Variants in PTGER1 observed in about 807,000 individuals in gnomAD.
PTGER1 encodes prostaglandin E2 receptor EP1 subtype.
PTGER1 carries 15 observed loss-of-function variants against 18.5 expected under a neutral mutation model. That is an observed-to-expected ratio of 0.81 (90% CI 0.54 to 1.25). PTGER1 has a LOEUF of 1.25. PTGER1 is among the 50% of genes most tolerant of loss of function. The pLI, the probability that PTGER1 is intolerant of heterozygous loss-of-function variation, is 0.00. For synonymous variants in PTGER1, 339 were observed against 308.4 expected (o/e 1.10, Z -1.04); for missense variants, 567 against 603.4 (o/e 0.94, Z 0.63).
At position 14,474,091 on chromosome 19, in the gene PTGER1, A is replaced by G; in HGVS notation, c.230T>C (p.Val77Ala). The G allele has an allele frequency of 3.5e-6, 5 of 1,440,028 alleles. No homozygotes were observed. The highest frequency in any genetic ancestry group is 2.7e-6 in the Non-Finnish European group (3 of 1,098,486). The allele number at this position is 1,440,028 out of a possible 1,614,324, so 89.2% of individuals were successfully genotyped here. Residue 77 changes from valine (V) to alanine (A), a missense_variant, in exon 2 of 3, where the codon GTG becomes GCG. By Grantham distance (64) the Val-to-Ala change is moderately conservative (BLOSUM62 0). Transcript: ENST00000292513. This position sits in a 1 kb window ranked among gnomAD's most constrained non-coding sequence, Gnocchi z 5.4. ...CAGGTCGGTGGCCAGCAGGCTGGCCACGAACAGCAGGAAGGTGGCGGCCGA... is the reference window on the plus strand; with the variant it reads ...CAGGTCGGTGGCCAGCAGGCTGGCCGCGAACAGCAGGAAGGTGGCGGCCGA... ...RRSAATFLLF[V>A]ASLLATDLAG...
At position 14,472,662 on chromosome 19, in the gene PTGER1, C is replaced by T. The variant is rs2146448729; in HGVS notation, c.1107G>A (p.Arg369=). ...CCGCGGGGCCGCCCTTGGCTCCGGC[C>T]CTCGGGGGCAAGAGGCGAAGCAGTT... ...LRQLLRLLPP[R]AGAKGGPAGL... The change falls in exon 3 of 3, where the codon AGG becomes AGA. Residue 369 remains arginine (R), a synonymous_variant. Coordinates refer to ENST00000292513, the MANE Select transcript of PTGER1 (RefSeq NM_000955.3). 1 of 1,610,134 alleles carries T rather than the reference C, an allele frequency of 6.2e-7. No individual in the cohort carries two copies. Among genetic ancestry groups the T allele is most frequent in the Non-Finnish European group, 8.5e-7 (1 of 1,178,662 alleles).
rs891459499 is a variant in PTGER1, at chr19:14,472,584, C to A, written c.1185G>T (p.Arg395=). 1.6e-5 allele frequency: 26 copies of A among 1,592,032 alleles called. No homozygotes were observed. The highest frequency in any genetic ancestry group is 2.0e-5 in the Non-Finnish European group (24 of 1,172,134). ...CTTAGAAGTGGCTGAGGCCGCTGTGCCGGGAGCTGCGCAGCGAGCTGGCCT... is the reference window on the plus strand; with the variant it reads ...CTTAGAAGTGGCTGAGGCCGCTGTGACGGGAGCTGCGCAGCGAGCTGGCCT... ...AWEASSLRSS[R]HSGLSHF Residue 395 remains arginine, a synonymous_variant, in exon 3 of 3, where the codon CGG becomes CGT. Coordinates refer to ENST00000292513, the MANE Select transcript of PTGER1 (RefSeq NM_000955.3).
In PTGER1 at chr19:14,474,335, G is replaced by A. The variant is rs1271809275; in HGVS notation, c.-15C>T. 1.3e-6 allele frequency: 2 copies of A among 1,512,616 alleles called. No homozygotes were observed. Among genetic ancestry groups the A allele is most frequent in the South Asian group, 1.2e-5 (1 of 82,454 alleles). 93.7% of individuals were successfully genotyped at this position (1,512,616 alleles called of 1,614,324 possible). ...CAAGGGCTCATGTCAGGCGCCAGGG[G>A]TGCTGGATAGAGGAGAGGAGGGCAG... On this transcript the variant is annotated splice_region_variant and 5_prime_UTR_variant, in exon 2 of 3. Coordinates refer to ENST00000292513, the MANE Select transcript of PTGER1 (RefSeq NM_000955.3). This position sits in a 1 kb window ranked among gnomAD's most constrained non-coding sequence, Gnocchi z 5.4.
rs778810866 is a variant in PTGER1 at position 14,472,713 on chromosome 19, G to C, written c.1056C>G (p.Ile352Met). 1 of 1,611,634 alleles carries C rather than the reference G, an allele frequency of 6.2e-7. No individual in the cohort carries two copies. The highest frequency in any genetic ancestry group is 8.5e-7 in the Non-Finnish European group (1 of 1,178,952). ...WNQILDPWVY[I>M]LLRQAVLRQL... ...GGCGCAGCACGGCCTGGCGCAGTAG[G>C]ATGTACACCCAAGGGTCCAGGATCT... Residue 352 changes from isoleucine (I) to methionine (M), a missense_variant, in exon 3 of 3, where the codon ATC becomes ATG. Ile to Met is a conservative substitution (Grantham distance 10). Transcript: ENST00000292513.
chr19:14,472,670 G>A lies in PTGER1; in HGVS notation c.1099C>T (p.Pro367Ser), dbSNP rs557664453. 6.2e-7 allele frequency: 1 copy of A among 1,610,958 alleles called. No individual in the cohort carries two copies. Among genetic ancestry groups the A allele is most frequent in the Non-Finnish European group, 8.5e-7 (1 of 1,178,916 alleles). ...AVLRQLLRLLPPRAGAKGGPA... is the reference protein window; with the variant it reads ...AVLRQLLRLLSPRAGAKGGPA... Reference sequence around the variant, plus strand: ...CCGCCCTTGGCTCCGGCCCTCGGGGGCAAGAGGCGAAGCAGTTGGCGCAGC... The same window carrying A: ...CCGCCCTTGGCTCCGGCCCTCGGGGACAAGAGGCGAAGCAGTTGGCGCAGC... The change falls in exon 3 of 3, where the codon CCC becomes TCC. Residue 367 changes from proline (P) to serine (S), a missense_variant. By Grantham distance (74) the Pro-to-Ser change is moderately conservative (BLOSUM62 -1). Transcript: ENST00000292513.
At position 14,474,023 on chromosome 19, in the gene PTGER1, T is replaced by A; in HGVS notation, c.298A>T (p.Thr100Ser). ...CCGCCGGCCGGAGCGCGCCCCGCAG[T>A]GTACAGACGCAGCACCAGCGCGCCC... ...IPGALVLRLY[T>S]AGRAPAGGAC... The change falls in exon 2 of 3, where the codon ACT becomes TCT. Residue 100 changes from threonine to serine, a missense_variant. Transcript: ENST00000292513. This position sits in a 1 kb window ranked among gnomAD's most constrained non-coding sequence, Gnocchi z 5.4. 6.7e-7 allele frequency: 1 copy of A among 1,500,082 alleles called. No homozygotes were observed. The highest frequency in any genetic ancestry group is 8.9e-7 in the Non-Finnish European group (1 of 1,129,586). The allele number at this position is 1,500,082 out of a possible 1,614,324, so 92.9% of individuals were successfully genotyped here.
Position 14,473,691 on chromosome 19 carries a change from G to T in PTGER1, c.630C>A (p.Leu210=). 2.0e-6 allele frequency: 3 copies of T among 1,476,214 alleles called. No individual in the cohort carries two copies. The highest frequency in any genetic ancestry group is 2.7e-6 in the Non-Finnish European group (3 of 1,120,164). The allele number at this position is 1,476,214 out of a possible 1,614,324, so 91.4% of individuals were successfully genotyped here. ...GCGCGGCGAGGAGCGCGACCAGGCC[G>T]AGGCTGGCGAAGAGGCCAGCAAGCA... ...QALLAGLFAS[L]GLVALLAALV... is the part of the protein sequence containing the mutation. The change falls in exon 2 of 3, where the codon CTC becomes CTA. Residue 210 remains leucine, a synonymous_variant. Transcript: ENST00000292513. The surrounding 1 kb of genome is among the most constrained non-coding windows in gnomAD (Gnocchi z 7.1).
In PTGER1 at chr19:14,474,335, G is replaced by C. The variant is rs1271809275; in HGVS notation, c.-15C>G. On this transcript the variant is annotated splice_region_variant and 5_prime_UTR_variant, in exon 2 of 3. Coordinates refer to ENST00000292513, the MANE Select transcript of PTGER1 (RefSeq NM_000955.3). The surrounding 1 kb of genome is among the most constrained non-coding windows in gnomAD (Gnocchi z 5.4). ...CAAGGGCTCATGTCAGGCGCCAGGG[G>C]TGCTGGATAGAGGAGAGGAGGGCAG... 1.3e-6 allele frequency: 2 copies of C among 1,512,616 alleles called. No homozygotes were observed. Among genetic ancestry groups the C allele is most frequent in the Non-Finnish European group, 1.8e-6 (2 of 1,137,878 alleles). The allele number at this position is 1,512,616 out of a possible 1,614,324, so 93.7% of individuals were successfully genotyped here. A position where few individuals can be genotyped will look rare whatever the true frequency, so the allele number is the denominator to read the frequency against.
rs943702607 is a variant in PTGER1 at position 14,473,887 on chromosome 19, T to A, written c.434A>T (p.His145Leu). Residue 145 changes from histidine (H) to leucine (L), a missense_variant, in exon 2 of 3, where the codon CAC becomes CTC. His to Leu is a moderately conservative substitution (Grantham distance 99). Transcript: ENST00000292513. This position sits in a 1 kb window ranked among gnomAD's most constrained non-coding sequence, Gnocchi z 7.1. ...GCGGGCGACCGAGACCCGCGCGGCG[T>A]GGAGCAGCGGCCGCGTGACGCCCAC... ...RCVGVTRPLL[H>L]AARVSVARAR... The A allele has an allele frequency of 7.6e-7, 1 of 1,314,648 alleles. No homozygotes were observed. The highest frequency in any genetic ancestry group is 1.6e-5 in the African/African-American group (1 of 63,310). 81.4% of individuals were successfully genotyped at this position (1,314,648 alleles called of 1,614,324 possible).
rs763799272 is a variant in PTGER1 at position 14,473,566 on chromosome 19, C to T, written c.755G>A (p.Arg252His). The change falls in exon 2 of 3, where the codon CGC (arginine) becomes CAC (histidine). Residue 252 changes from arginine (R) to histidine (H), a missense_variant. Transcript: ENST00000292513. This position sits in a 1 kb window ranked among gnomAD's most constrained non-coding sequence, Gnocchi z 7.1. The part of the protein sequence containing the change: ...PPASGPDSRR[R>H]WGAHGPRSAS... ...CGAGCGGGGTCCGTGCGCCCCCCAG[C>T]GACGCCGGCTGTCGGGGCCTGAGGC... 1 of 1,509,810 alleles carries T rather than the reference C, an allele frequency of 6.6e-7. No homozygotes were observed. Among genetic ancestry groups the T allele is most frequent in the Non-Finnish European group, 8.8e-7 (1 of 1,135,890 alleles). The allele number at this position is 1,509,810 out of a possible 1,614,324, so 93.5% of individuals were successfully genotyped here. A position where few individuals can be genotyped will look rare whatever the true frequency, so the allele number is the denominator to read the frequency against.
chr19:14,473,572 CGGCTGTCGGGGCCTGAGGCCGGGGGA>C lies in PTGER1; in HGVS notation c.723_748del (p.Pro242AlafsTer?). On this transcript the variant is annotated frameshift_variant, in exon 2 of 3. Coordinates refer to ENST00000292513, the MANE Select transcript of PTGER1 (RefSeq NM_000955.3). LOFTEE classifies it high-confidence loss of function. The surrounding 1 kb of genome is among the most constrained non-coding windows in gnomAD (Gnocchi z 7.1). ...GGGTCCGTGCGCCCCCCAGCGACGC[CGGCTGTCGGGGCCTGAGGCCGGGGGA>C]GGCCGTCGGGAGCGGCGTCGCCAGC... The C allele has an allele frequency of 6.6e-7, 1 of 1,504,040 alleles. No individual in the cohort carries two copies. Among genetic ancestry groups the C allele is most frequent in the Non-Finnish European group, 8.8e-7 (1 of 1,133,620 alleles). The allele number at this position is 1,504,040 out of a possible 1,614,324, so 93.2% of individuals were successfully genotyped here.
At position 14,472,685 on chromosome 19, in the gene PTGER1, G is replaced by A. The variant is rs764482180; in HGVS notation, c.1084C>T (p.Leu362=). The A allele has an allele frequency of 6.2e-7, 1 of 1,612,074 alleles. No individual in the cohort carries two copies. Among genetic ancestry groups the A allele is most frequent in the South Asian group, 1.1e-5 (1 of 90,924 alleles). ...GCCCTCGGGGGCAAGAGGCGAAGCA[G>A]TTGGCGCAGCACGGCCTGGCGCAGT... is the stretch of plus-strand genomic sequence containing the variant. ...ILLRQAVLRQ[L]LRLLPPRAGA... The change falls in exon 3 of 3, where the codon CTG becomes TTG. Residue 362 remains leucine (L), a synonymous_variant. Transcript: ENST00000292513.
At position 14,473,790 on chromosome 19, in the gene PTGER1, G is replaced by A; in HGVS notation, c.531C>T (p.Gly177=). ...AVALLPLARV[G]RYELQYPGTW... is the part of the protein sequence containing the mutation. ...TGCCCGGGTACTGCAGCTCATAGCG[G>A]CCCACGCGCGCCAGCGGCAGCAGCG... is the stretch of plus-strand genomic sequence containing the variant. Residue 177 remains glycine, a synonymous_variant, in exon 2 of 3, where the codon GGC becomes GGT. Coordinates refer to ENST00000292513, the MANE Select transcript of PTGER1 (RefSeq NM_000955.3). The surrounding 1 kb of genome is among the most constrained non-coding windows in gnomAD (Gnocchi z 7.1). 7.0e-7 allele frequency: 1 copy of A among 1,419,342 alleles called. No homozygotes were observed. The highest frequency in any genetic ancestry group is 9.2e-7 in the Non-Finnish European group (1 of 1,087,192). 87.9% of individuals were successfully genotyped at this position (1,419,342 alleles called of 1,614,324 possible).
Position 14,474,135 on chromosome 19 carries a change from G to T in PTGER1, c.186C>A (p.Gly62=). 2 of 1,435,540 alleles carry T rather than the reference G, an allele frequency of 1.4e-6. No individual in the cohort carries two copies. The highest frequency in any genetic ancestry group is 1.8e-6 in the Non-Finnish European group (2 of 1,105,910). 88.9% of individuals were successfully genotyped at this position (1,435,540 alleles called of 1,614,324 possible). A position where few individuals can be genotyped will look rare whatever the true frequency, so the allele number is the denominator to read the frequency against. ...LALALLAQAA[G]RLRRRRSAAT... ...CGGCCGAGCGGCGGCGTCGCAGGCG[G>T]CCCGCGGCCTGCGCCAGCAGCGCCA... Residue 62 remains glycine (G), a synonymous_variant, in exon 2 of 3, where the codon GGC becomes GGA. Coordinates refer to ENST00000292513, the MANE Select transcript of PTGER1 (RefSeq NM_000955.3). The surrounding 1 kb of genome is among the most constrained non-coding windows in gnomAD (Gnocchi z 5.4).
chr19:14,473,485 G>C lies in PTGER1; in HGVS notation c.836C>G (p.Ser279Cys). The C allele has an allele frequency of 6.3e-7, 1 of 1,587,422 alleles. No individual in the cohort carries two copies. Among genetic ancestry groups the C allele is most frequent in the Non-Finnish European group, 8.5e-7 (1 of 1,170,508 alleles). ...TCTGCGTGCCGAGCCGCTGCTCCGA[G>C]AGCCGCCAAAGAAGGTGGAGGCCGA... ...IASASTFFGG[S>C]RSSGSARRAR... The change falls in exon 2 of 3, where the codon TCT (serine) becomes TGT (cysteine). Residue 279 changes from serine (S) to cysteine (C), a missense_variant. Coordinates refer to ENST00000292513, the MANE Select transcript of PTGER1 (RefSeq NM_000955.3). The surrounding 1 kb of genome is among the most constrained non-coding windows in gnomAD (Gnocchi z 7.1).
chr19:14,473,979 GC>G lies in PTGER1; in HGVS notation c.341del (p.Gly114AlafsTer268). 6.7e-7 allele frequency: 1 copy of G among 1,497,970 alleles called. No homozygotes were observed. The highest frequency in any genetic ancestry group is 8.9e-7 in the Non-Finnish European group (1 of 1,128,230). 92.8% of individuals were successfully genotyped at this position (1,497,970 alleles called of 1,614,324 possible). A position where few individuals can be genotyped will look rare whatever the true frequency, so the allele number is the denominator to read the frequency against. On this transcript the variant is annotated frameshift_variant, in exon 2 of 3. Transcript: ENST00000292513. LOFTEE classifies it high-confidence loss of function. This position sits in a 1 kb window ranked among gnomAD's most constrained non-coding sequence, Gnocchi z 7.1. ...APAGGACHFLGGCMVFFGLCP... is the reference protein window; with the variant it reads ...APAGGACHFLXGCMVFFGLCP... ...ACAGGCCGAAGAAGACCATGCAGCC[GC>G]CCAGGAAGTGGCAGGCCCCGCCGGC...
intron 2 of PTGER1, 36 bp from the exon 3 acceptor site, chr19:14,472,862 G>A (rs1249816642): frequency 3.3e-6 from 5 of 1,520,848 alleles, no homozygotes; most frequent in African/African-American, 1.4e-5. Context: ...TAGAGCAGGC[G>A]CGGGCGCAGG....
At chr19:14,472,865 G>A (rs1427249677) in intron 2 of PTGER1, 39 bp from the exon 3 acceptor site, 1 of 1,506,032 alleles carries the variant, frequency 6.6e-7, no homozygotes, top group Non-Finnish European at 8.9e-7. Context: ...AGCAGGCGCG[G>A]GCGCAGGGGG....
At position 14,473,661 on chromosome 19, in the gene PTGER1, CA is replaced by C; in HGVS notation, c.659del (p.Val220GlyfsTer162). On this transcript the variant is annotated frameshift_variant, in exon 2 of 3. Transcript: ENST00000292513. LOFTEE classifies it high-confidence loss of function. This position sits in a 1 kb window ranked among gnomAD's most constrained non-coding sequence, Gnocchi z 7.1. Reference protein sequence around the residue: ...LGLVALLAALVCNTLSGLALL... With the variant: ...LGLVALLAALXCNTLSGLALL... ...GGGCCAGGCCGCTGAGCGTGTTGCA[CA>C]CCAGCGCGGCGAGGAGCGCGACCAG... The C allele has an allele frequency of 1.4e-6, 2 of 1,477,274 alleles. No individual in the cohort carries two copies. Among genetic ancestry groups the C allele is most frequent in the South Asian group, 2.6e-5 (2 of 78,142 alleles). The allele number at this position is 1,477,274 out of a possible 1,614,324, so 91.5% of individuals were successfully genotyped here.
Sources: gnomAD v4.1 joint callset for allele counts on GRCh38, gnomAD v4.1.1 for gene constraint, Gnocchi (gnomAD v3.1) non-coding constraint, MANE v1.5 for transcripts, NCBI Gene and HGNC (gene_info 2026-07-23, HGNC 2026-07-21) for gene names.